Variants in CHL1 observed in about 807,000 individuals in gnomAD.
The protein encoded by CHL1 is cell adhesion molecule L1 like, also known as neural cell adhesion molecule L1-like protein.
In CHL1, 96 loss-of-function variants were observed where a neutral mutation model predicts 141.9. The ratio of observed to expected loss-of-function variants is 0.68; its 90% CI spans 0.57 to 0.80. The LOEUF is 0.80. Ranked by LOEUF, CHL1 falls within the 30% of genes least tolerant of loss-of-function variation. The pLI is 0.00. For missense variants in CHL1, 1,820 were observed against 1,457.2 expected, an observed-to-expected ratio of 1.25 and a Z score of -4.05; for synonymous variants, 613 against 502.2, an observed-to-expected ratio of 1.22 and a Z score of -2.95.
chr3:329,974 A>G (rs1262508693), intron 5 of CHL1, among the ~76,000 whole-genome samples: 1 of 152,042 alleles, frequency 6.6e-6, no homozygotes, highest in Non-Finnish European at 1.5e-5. Context: ...TTATTTGCTC[A>G]CTCAAGCAGA....
chr3:303,351 A>G (rs1025444496), intron 2 of CHL1, among the ~76,000 whole-genome samples: 13 of 152,260 alleles, frequency 8.5e-5, no homozygotes, highest in African/African-American at 2.4e-4. Context: ...CCATTTTCAC[A>G]ATATTGATTC....
At chr3:216,352 C>A (rs916077139) in intron 1 of CHL1, among the ~76,000 whole-genome samples, 15 of 152,294 alleles carry the variant, frequency 9.8e-5, no homozygotes, top group African/African-American at 3.1e-4. Flanking sequence ...TTAACTTTGA[C>A]ATTCTTATGT....
chr3:197,166 T>C (rs1006744729), intron 1 of CHL1, 103 bp downstream of exon 1: 1 of 152,178 alleles, frequency 6.6e-6, no homozygotes, highest in African/African-American at 2.4e-5. Flanking sequence ...CCACTCGTTA[T>C]GGAAAGGAAG....
At chr3:393,789 G>T (rs1049887333) in intron 23 of CHL1, among the ~76,000 whole-genome samples, 5 of 152,030 alleles carry the variant, frequency 3.3e-5, no homozygotes, top group South Asian at 2.1e-4. Flanking sequence ...AAAAAGTGAT[G>T]ATTTCACCTC....
At chr3:310,377 T>C (rs1019602696) in intron 2 of CHL1, among the ~76,000 whole-genome samples, 1 of 152,140 alleles carries the variant, frequency 6.6e-6, no homozygotes, top group Non-Finnish European at 1.5e-5. Context: ...GACTGAGTGA[T>C]TTCACCACTG....
chr3:209,071 T>C (rs1463097808), intron 1 of CHL1, among the ~76,000 whole-genome samples: 1 of 152,218 alleles, frequency 6.6e-6, no homozygotes, highest in African/African-American at 2.4e-5. Flanking sequence ...ACTTCAGGTA[T>C]TCAAATGCTA....
chr3:354,919 G>A, intron 11 of CHL1, 148 bp downstream of exon 11: 2 of 1,002,202 alleles, frequency 2.0e-6, no homozygotes, highest in South Asian at 1.8e-5. Flanking sequence ...TTATTTCTAA[G>A]CAATTTGGTT....
chr3:259,585 T>A (rs1032068759), intron 2 of CHL1, among the ~76,000 whole-genome samples: 5 of 152,180 alleles, frequency 3.3e-5, no homozygotes, highest in Admixed American at 2.6e-4. Context: ...TTGCTTGTTA[T>A]CTCATCCACC....
chr3:250,556 A>T (rs77491449), intron 2 of CHL1, among the ~76,000 whole-genome samples: 10,254 of 152,154 alleles, frequency 0.067, 474 homozygotes, highest in Non-Finnish European at 0.1. Flanking sequence ...CTGGTACAGC[A>T]GTGGGAACGG....
intron 27 of CHL1, 37 bp from the exon 28 acceptor site, chr3:405,458 G>C: frequency 2.2e-6 from 3 of 1,341,512 alleles, no homozygotes; most frequent in Non-Finnish European, 3.2e-6. Flanking sequence ...ATTAATATTA[G>C]ATTTTGTTGA....
chr3:322,655 T>TATATAATTATATATATATATAAA (rs1700680365), intron 3 of CHL1, among the ~76,000 whole-genome samples: 8 of 139,978 alleles, frequency 5.7e-5, no homozygotes, highest in African/African-American at 1.9e-4. Context: ...AATATATATA[T>TATATAATTATATATATATATAAA]ATATATATAT....
chr3:351,722 T>A (rs747044422), intron 10 of CHL1, among the ~76,000 whole-genome samples: 3 of 152,164 alleles, frequency 2.0e-5, no homozygotes, highest in Non-Finnish European at 4.4e-5. Flanking sequence ...ATGTGCAATG[T>A]CTTTCCTATT....
intron 2 of CHL1, among the ~76,000 whole-genome samples, chr3:291,277 C>T (rs1697671727): frequency 6.6e-6 from 1 of 152,032 alleles, no homozygotes; most frequent in African/African-American, 2.4e-5. Flanking sequence ...AACTTAAACT[C>T]ATAATGATGT....
chr3:295,237 A>C (rs1698081327), intron 2 of CHL1, among the ~76,000 whole-genome samples: 1 of 152,228 alleles, frequency 6.6e-6, no homozygotes, highest in Non-Finnish European at 1.5e-5. Flanking sequence ...GAGTGATAAA[A>C]GGCAAAATTA....
chr3:277,331 T>C (rs902295103), intron 2 of CHL1, among the ~76,000 whole-genome samples: 1 of 152,182 alleles, frequency 6.6e-6, no homozygotes, highest in Non-Finnish European at 1.5e-5. Flanking sequence ...AGGAAGTTTA[T>C]ATTTAAAAAA....
intron 15 of CHL1, among the ~76,000 whole-genome samples, chr3:368,968 C>A (rs1367971730): frequency 6.6e-6 from 1 of 152,172 alleles, no homozygotes; most frequent in African/African-American, 2.4e-5. Context: ...TGTTTTCATA[C>A]CAGTACCATG....
At chr3:290,492 G>C (rs1012746726) in intron 2 of CHL1, among the ~76,000 whole-genome samples, 1 of 152,156 alleles carries the variant, frequency 6.6e-6, no homozygotes, top group African/African-American at 2.4e-5. Context: ...AGAAGCCAAT[G>C]AAAGACCTGG....
At chr3:391,894 C>T in intron 23 of CHL1, 97 bp downstream of exon 23, 1 of 999,568 alleles carries the variant, frequency 1.0e-6, no homozygotes, top group Non-Finnish European at 1.4e-6. Flanking sequence ...TCACTTAAGG[C>T]CATGGTTTGT....
chr3:268,943 T>A (rs1429995082), intron 2 of CHL1, among the ~76,000 whole-genome samples: 1 of 152,174 alleles, frequency 6.6e-6, no homozygotes, highest in Non-Finnish European at 1.5e-5. Flanking sequence ...ATTATGAATG[T>A]TAAAGGGTGT....
Sources: allele counts gnomAD v4.1 joint callset (sites outside exome capture counted in the v4.1 genomes callset), GRCh38; gene constraint gnomAD v4.1.1; transcripts MANE v1.5; gene names NCBI Gene and HGNC (gene_info 2026-07-23, HGNC 2026-07-21).